Variants in LRRTM4 observed in about 807,000 individuals in gnomAD.
LRRTM4 encodes leucine-rich repeat transmembrane neuronal protein 4.
A neutral mutation model predicts 47.6 loss-of-function variants in LRRTM4; 25 were observed. That is an observed-to-expected ratio of 0.53 (90% CI 0.38 to 0.73). LRRTM4 has a LOEUF of 0.73. Ranked by LOEUF, LRRTM4 falls within the 30% of genes least tolerant of loss-of-function variation. LRRTM4 has a pLI of 0.00. For missense variants in LRRTM4, 638 were observed against 713.4 expected (o/e 0.89, Z 1.20); for synonymous variants, 311 against 269.5 (o/e 1.15, Z -1.51).
chr2:77,300,869 T>A (rs1486857985), intron 3 of LRRTM4, among the ~76,000 whole-genome samples: 1 of 152,138 alleles, frequency 6.6e-6, no homozygotes, highest in Non-Finnish European at 1.5e-5. Context: ...TTCCAATACA[T>A]ACTAAGTAAA....
At position 76,907,594 on chromosome 2, in the gene LRRTM4, A is replaced by T. The variant is rs1042912839; in HGVS notation, c.1552-158678T>A. Among the ~76,000 whole-genome samples the T allele has an allele frequency of 1.2e-4, 17 of 140,360 alleles. 1 individual carries two copies. The highest frequency in any genetic ancestry group is 7.5e-4 in the Admixed American group (10 of 13,268). 92.1% of individuals were successfully genotyped at this position (140,360 alleles called of 152,430 possible). On this transcript the variant is annotated intron_variant, in intron 3 of 3. Transcript: ENST00000409884. ...GGATCAACAAAATTGATAGACCACT[A>T]GCAAGACTAATAAAGAAAAAAAGAG...
chr2:76,925,643 T>G (rs1333574583), intron 3 of LRRTM4, among the ~76,000 whole-genome samples: 2 of 152,152 alleles, frequency 1.3e-5, no homozygotes, highest in Non-Finnish European at 2.9e-5. Context: ...TCTTAACCAT[T>G]CACTCTGTGT....
At chr2:77,029,661 ATGATTTGATAAC>A (rs1231235900) in intron 3 of LRRTM4, among the ~76,000 whole-genome samples, 2 of 152,212 alleles carry the variant, frequency 1.3e-5, no homozygotes. Context: ...TCTAAAAGAG[ATGATTTGATAAC>A]ATAGGAAACA....
At chr2:77,221,848 A>C (rs1674644506) in intron 3 of LRRTM4, among the ~76,000 whole-genome samples, 1 of 152,124 alleles carries the variant, frequency 6.6e-6, no homozygotes, top group South Asian at 2.1e-4. Context: ...GCTCTGCACC[A>C]AGCAGACCTA....
chr2:77,077,194 T>C (rs1680365649), intron 3 of LRRTM4, among the ~76,000 whole-genome samples: 1 of 152,176 alleles, frequency 6.6e-6, no homozygotes, highest in Admixed American at 6.5e-5. Context: ...ATAACACTTC[T>C]TTTCATGTAG....
intron 3 of LRRTM4, among the ~76,000 whole-genome samples, chr2:77,143,582 G>A (rs191675318): frequency 1.3e-5 from 2 of 152,092 alleles, no homozygotes; most frequent in East Asian, 3.9e-4. Context: ...GAAAATAATG[G>A]TAAACAAAAA....
chr2:76,891,251 G>A (rs946448611), intron 3 of LRRTM4, among the ~76,000 whole-genome samples: 10 of 151,774 alleles, frequency 6.6e-5, no homozygotes, highest in African/African-American at 2.4e-4. Flanking sequence ...ATAATAAGAG[G>A]AGAGGTTCTC....
At position 77,124,555 on chromosome 2, in the gene LRRTM4, G is replaced by A. The variant is rs143315837; in HGVS notation, c.1552-375639C>T. 2.1e-4 allele frequency among the ~76,000 whole-genome samples: 32 copies of A among 152,232 alleles called. No homozygotes were observed. In the East Asian group the frequency reaches 2.5e-3, roughly 12 times the overall value. ...AAGTTTTCAACAAGGTAAGGTGGAT[G>A]TCTCTTGGTATCAAAGTCACATCAT... On this transcript the variant is annotated intron_variant, in intron 3 of 3. Transcript: ENST00000409884.
intron 3 of LRRTM4, among the ~76,000 whole-genome samples, chr2:77,206,179 ATTTT>A (rs35378906): frequency 1.6e-5 from 2 of 126,926 alleles, no homozygotes; most frequent in Non-Finnish European, 1.7e-5. Context: ...TCAAAATTCT[ATTTT>A]TTTTTTTTTT....
At chr2:77,124,528 G>A (rs1262893169) in intron 3 of LRRTM4, among the ~76,000 whole-genome samples, 1 of 152,092 alleles carries the variant, frequency 6.6e-6, no homozygotes, top group Admixed American at 6.6e-5. Flanking sequence ...TGTGCTAAAT[G>A]AAAGTTTTCA....
intron 3 of LRRTM4, among the ~76,000 whole-genome samples, chr2:77,137,179 T>G (rs1212728109): frequency 6.6e-6 from 1 of 151,660 alleles, no homozygotes; most frequent in Non-Finnish European, 1.5e-5. Flanking sequence ...AATTGTCAAT[T>G]CACCAAAGAT....
intron 3 of LRRTM4, among the ~76,000 whole-genome samples, chr2:76,810,686 C>G (rs942310910): frequency 6.6e-6 from 1 of 152,106 alleles, no homozygotes; most frequent in Non-Finnish European, 1.5e-5. Flanking sequence ...TGTAACTTAA[C>G]TTCCTTATTT....
At chr2:76,785,638 A>T (rs975796674) in intron 3 of LRRTM4, among the ~76,000 whole-genome samples, 8 of 152,140 alleles carry the variant, frequency 5.3e-5, no homozygotes, top group Non-Finnish European at 1.2e-4. Flanking sequence ...TAAGTAGGGT[A>T]AGTAGCTAGA....
chr2:77,184,947 C>A (rs888799710), intron 3 of LRRTM4, among the ~76,000 whole-genome samples: 2 of 151,916 alleles, frequency 1.3e-5, no homozygotes, highest in Admixed American at 6.6e-5. Context: ...AGTGCCTGAG[C>A]CACAGACCAA....
chr2:76,758,204 G>A (rs1346226560), intron 3 of LRRTM4, among the ~76,000 whole-genome samples: 1 of 152,064 alleles, frequency 6.6e-6, no homozygotes, highest in Non-Finnish European at 1.5e-5. Flanking sequence ...TATTCACTTC[G>A]TGACCCTCCC....
intron 3 of LRRTM4, among the ~76,000 whole-genome samples, chr2:77,157,061 C>A (rs1292999680): frequency 6.6e-6 from 1 of 152,032 alleles, no homozygotes; most frequent in Non-Finnish European, 1.5e-5. Context: ...AAACCCTTAA[C>A]ATTTTAATTT....
chr2:77,074,460 C>A (rs942161063), intron 3 of LRRTM4, among the ~76,000 whole-genome samples: 3 of 152,020 alleles, frequency 2.0e-5, no homozygotes, highest in Non-Finnish European at 1.5e-5. Flanking sequence ...GTGTCCTCTA[C>A]TGCTTGGAAT....
intron 3 of LRRTM4, among the ~76,000 whole-genome samples, chr2:76,799,612 C>T (rs1460668922): frequency 3.6e-5 from 5 of 139,098 alleles, no homozygotes; most frequent in Non-Finnish European, 7.8e-5. Context: ...GGTAATTAGG[C>T]AGGAGAAGGA....
At chr2:76,843,231 A>G (rs534466245) in intron 3 of LRRTM4, among the ~76,000 whole-genome samples, 99 of 152,276 alleles carry the variant, frequency 6.5e-4, no homozygotes, top group Non-Finnish European at 1.2e-3. Flanking sequence ...GAGTCAGAAG[A>G]TGGTCAGAGT....
Sources: gnomAD v4.1 joint callset for allele counts (sites outside exome capture counted in the v4.1 genomes callset) on GRCh38, gnomAD v4.1.1 for gene constraint, MANE v1.5 for transcripts, NCBI Gene and HGNC (gene_info 2026-07-23, HGNC 2026-07-21) for gene names.